JAKMIP3: variants seen among roughly 807,000 people sequenced by gnomAD.
JAKMIP3 encodes Janus kinase and microtubule interacting protein 3, also known as janus kinase and microtubule-interacting protein 3.
A neutral mutation model predicts 118.5 loss-of-function variants in JAKMIP3; 58 were observed. The observed-to-expected ratio is 0.49, with a 90% CI of 0.40 to 0.61. The LOEUF (loss-of-function observed/expected upper bound fraction) is 0.61, where lower values mean the gene tolerates loss of function less well. JAKMIP3 is among the 20% of genes least tolerant of loss of function. The pLI is 0.00. For missense variants in JAKMIP3, 950 were observed against 1,109.0 expected, an observed-to-expected ratio of 0.86 and a Z score of 2.04; for synonymous variants, 486 against 451.2, an observed-to-expected ratio of 1.08 and a Z score of -0.98.
In JAKMIP3 at chr10:132,168,661, A is replaced by G; in HGVS notation, c.*731A>G. 3.0e-6 allele frequency: 1 copy of G among 328,214 alleles called. No individual in the cohort carries two copies. The highest frequency in any genetic ancestry group is 2.3e-5 in the South Asian group (1 of 42,998). 20.3% of individuals were successfully genotyped at this position (328,214 alleles called of 1,614,324 possible). A position where few individuals can be genotyped will look rare whatever the true frequency, so the allele number is the denominator to read the frequency against. On this transcript the variant is annotated 3_prime_UTR_variant, in exon 23 of 24. Coordinates refer to ENST00000684848, the MANE Select transcript of JAKMIP3 (RefSeq NM_001323087.2). ...TACTCAACCTGAGACAGGAAGGCCA[A>G]GATCCCGCCCAAGCCGCCAGCTGGG...
chr10:132,068,213 G>A (rs956259184), intron 1 of JAKMIP3, among the ~76,000 whole-genome samples: 8 of 148,994 alleles, frequency 5.4e-5, no homozygotes, highest in African/African-American at 2.0e-4. Flanking sequence ...GTGGGCTTCC[G>A]TGTGCACTGT....
chr10:132,139,448 G>T (rs2052926465), intron 9 of JAKMIP3, among the ~76,000 whole-genome samples: 2 of 137,400 alleles, frequency 1.5e-5, no homozygotes, highest in Non-Finnish European at 3.4e-5. Context: ...ACATGTGAGT[G>T]TATATGTGTC....
upstream of JAKMIP3, among the ~76,000 whole-genome samples, chr10:132,036,486 A>G (rs923768900): frequency 6.6e-6 from 1 of 152,060 alleles, no homozygotes; most frequent in Non-Finnish European, 1.5e-5. Flanking sequence ...ATTTTCAGCC[A>G]CGCCGAGCCC....
rs2045640428 is a variant in JAKMIP3, at chr10:132,104,735, A to ACCCCAGCCAC, written c.-65_-56dup. ...CACCTGCTGGGAGCTTGGCGTGGAC[A>ACCCCAGCCAC]CCCCAGCCACCCCCAGCCCAGCCCA... On this transcript the variant is annotated 5_prime_UTR_variant, in exon 2 of 24. Coordinates refer to ENST00000684848, the MANE Select transcript of JAKMIP3 (RefSeq NM_001323087.2). 2 of 1,467,324 alleles carry ACCCCAGCCAC rather than the reference A, an allele frequency of 1.4e-6. No homozygotes were observed. Among genetic ancestry groups the ACCCCAGCCAC allele is most frequent in the South Asian group, 1.3e-5 (1 of 79,914 alleles). The allele number at this position is 1,467,324 out of a possible 1,614,324, so 90.9% of individuals were successfully genotyped here.
Position 132,092,799 on chromosome 10 carries a change from C to T in JAKMIP3, c.-137-11873C>T, listed in dbSNP as rs557812679. Among the ~76,000 whole-genome samples, 145 of 152,346 alleles carry T rather than the reference C, an allele frequency of 9.5e-4. 3 individuals carry two copies. Among genetic ancestry groups the T allele is most frequent in the Middle Eastern group, 6.8e-3 (2 of 294 alleles). Reference sequence around the variant, plus strand: ...AGTCATTCTCTATCCAGCTTTGTTCCATTGCTGGCGAGGAGCTGCATTCCT... The same window carrying T: ...AGTCATTCTCTATCCAGCTTTGTTCTATTGCTGGCGAGGAGCTGCATTCCT... On this transcript the variant is annotated intron_variant, in intron 1 of 23. Coordinates refer to ENST00000684848, the MANE Select transcript of JAKMIP3 (RefSeq NM_001323087.2).
At chr10:132,167,425 G>A (rs1435046365) in intron 22 of JAKMIP3, among the ~76,000 whole-genome samples, 1 of 152,168 alleles carries the variant, frequency 6.6e-6, no homozygotes, top group East Asian at 1.9e-4. Flanking sequence ...GTGGTTCTGT[G>A]ATTCGTCCTT....
chr10:132,121,000 G>A (rs578039365), intron 3 of JAKMIP3, among the ~76,000 whole-genome samples: 1 of 152,336 alleles, frequency 6.6e-6, no homozygotes, highest in Non-Finnish European at 1.5e-5. Flanking sequence ...TCATGAGGAT[G>A]GGGAAGTCTG....
At chr10:132,134,913 G>A (rs573638769) in intron 4 of JAKMIP3, 128 bp from the exon 5 acceptor site, 57 of 1,209,424 alleles carry the variant, frequency 4.7e-5, no homozygotes, top group East Asian at 7.8e-5. Context: ...GAACCTTCCC[G>A]GCAGCCGCGT....
At chr10:132,120,934 C>T (rs1013922675) in intron 3 of JAKMIP3, among the ~76,000 whole-genome samples, 3 of 152,206 alleles carry the variant, frequency 2.0e-5, no homozygotes, top group Admixed American at 6.5e-5. Context: ...TGTGGCCGCT[C>T]GAGCTGCGGG....
chr10:132,116,977 G>A, intron 2 of JAKMIP3, 100 bp from the exon 3 acceptor site: 2 of 1,336,138 alleles, frequency 1.5e-6, no homozygotes, highest in East Asian at 4.9e-5. Context: ...ATTCAGGTGT[G>A]AGTGTGTGCA....
intron 1 of JAKMIP3, among the ~76,000 whole-genome samples, chr10:132,090,820 C>T (rs2043000117): frequency 1.3e-5 from 2 of 151,912 alleles, no homozygotes; most frequent in African/African-American, 4.8e-5. Context: ...TAGATCTTTC[C>T]TGCTTTTTCT....
chr10:132,119,173 A>G (rs1208453834), intron 3 of JAKMIP3, among the ~76,000 whole-genome samples: 1 of 148,604 alleles, frequency 6.7e-6, no homozygotes, highest in Non-Finnish European at 1.5e-5. Context: ...TCCTCGCCAG[A>G]TCTCTCCCCT....
rs1159860935 is a variant in JAKMIP3 at position 132,149,570 on chromosome 10, CT to C, written c.1947+61del. Reference sequence around the variant, plus strand: ...CCTCACCCATCCCCCGCCCCACCCCCTCTCCGCCCCCGCCCCACCCCCCTCC... The same window carrying C: ...CCTCACCCATCCCCCGCCCCACCCCCCTCCGCCCCCGCCCCACCCCCCTCC... On this transcript the variant is annotated intron_variant, in intron 15 of 23. Transcript: ENST00000684848. 9.5e-5 allele frequency: 58 copies of C among 607,698 alleles called. 1 individual carries two copies. Among genetic ancestry groups the C allele is most frequent in the South Asian group, 4.8e-4 (22 of 46,266 alleles). 37.6% of individuals were successfully genotyped at this position (607,698 alleles called of 1,614,324 possible).
At chr10:132,180,772 T>TGC (rs527859135) in intron 23 of JAKMIP3, among the ~76,000 whole-genome samples, 4,199 of 63,670 alleles carry the variant, frequency 0.066, 1,766 homozygotes, top group African/African-American at 0.12. Context: ...TGTGTGTGCG[T>TGC]GTGTGTGTGT....
rs1172866415 is a variant in JAKMIP3, at chr10:132,112,364, C to T, written c.136-4713C>T. Among the ~76,000 whole-genome samples, 1 of 152,104 alleles carries T rather than the reference C, an allele frequency of 6.6e-6. No individual in the cohort carries two copies. Among genetic ancestry groups the T allele is most frequent in the Non-Finnish European group, 1.5e-5 (1 of 68,018 alleles). On this transcript the variant is annotated intron_variant, in intron 2 of 23. Transcript: ENST00000684848. This position sits in a 1 kb window ranked among gnomAD's most constrained non-coding sequence, Gnocchi z 4.3. Reference sequence around the variant, plus strand: ...GGGGCTGGGACCTGCCCTGGGCACTCGGCTCGTCAGCTGGGAAGCCCAGAG... The same window carrying T: ...GGGGCTGGGACCTGCCCTGGGCACTTGGCTCGTCAGCTGGGAAGCCCAGAG...
chr10:132,097,276 A>G (rs2044007757), intron 1 of JAKMIP3, among the ~76,000 whole-genome samples: 1 of 152,188 alleles, frequency 6.6e-6, no homozygotes, highest in Admixed American at 6.5e-5. Flanking sequence ...GAGTGGCGAA[A>G]GATACAGTGG....
At chr10:132,159,717 TGGGGGCATGTCTTCCTGTGTGATACTG>T (rs1564982140) in intron 19 of JAKMIP3, among the ~76,000 whole-genome samples, 68 of 99,968 alleles carry the variant, frequency 6.8e-4, no homozygotes, top group Non-Finnish European at 9.0e-4. Context: ...TGTGTGATGC[TGGGGGCATGTCTTCCTGTGTGATACTG>T]GGGGGGCCTC....
At chr10:132,110,236 C>T (rs1036648317) in intron 2 of JAKMIP3, among the ~76,000 whole-genome samples, 3 of 152,266 alleles carry the variant, frequency 2.0e-5, no homozygotes, top group Non-Finnish European at 4.4e-5. Flanking sequence ...GCTCTGGAAG[C>T]TCCCACAGCC....
intron 13 of JAKMIP3, 117 bp from the exon 14 acceptor site, chr10:132,147,835 C>G: frequency 1.4e-6 from 1 of 694,268 alleles, no homozygotes; most frequent in Non-Finnish European, 2.4e-6. Flanking sequence ...GGCTGGGTAC[C>G]AGGCCAGCCG....
Sources: gnomAD v4.1 joint callset for allele counts (sites outside exome capture counted in the v4.1 genomes callset) on GRCh38, gnomAD v4.1.1 for gene constraint, Gnocchi (gnomAD v3.1) non-coding constraint, MANE v1.5 for transcripts, NCBI Gene and HGNC (gene_info 2026-07-23, HGNC 2026-07-21) for gene names.